The following PGLS variants were observed in gnomAD, a reference collection of about 807,000 sequenced individuals.
PGLS encodes the protein epididymis secretory protein Li 304.
In PGLS, 21 loss-of-function variants were observed where a neutral mutation model predicts 23.2. The ratio of observed to expected loss-of-function variants is 0.91; its 90% confidence interval spans 0.64 to 1.31. The LOEUF is 1.31. Among genes scored for constraint, PGLS ranks in the 50% most tolerant of loss-of-function variants. The pLI is 0.00. For synonymous variants in PGLS, 179 were observed against 165.4 expected (o/e 1.08, Z -0.63); for missense variants, 410 against 354.0 (o/e 1.16, Z -1.27).
chr19:17,519,101 GTCAGGAGT>G (rs1403024818), intron 4 of PGLS, among the ~76,000 whole-genome samples: 1 of 151,722 alleles, frequency 6.6e-6, no homozygotes, highest in East Asian at 2.0e-4. Context: ...ATCACCTGAG[GTCAGGAGT>G]TCAAGACCAG....
Position 17,520,992 on chromosome 19 carries a change from C to G in PGLS, c.688C>G (p.Gln230Glu), listed in dbSNP as rs73922227. The stretch of plus-strand genomic sequence containing the variant: ...AAACCCGCTGCCCGCCGCCCTGGTC[C>G]AGCCCCACACCGGGAAACTGTGCTG... ...EENPLPAALV[Q>E]PHTGKLCWFL... Residue 230 changes from glutamine to glutamate, a missense_variant, in exon 5 of 5, where the codon CAG becomes GAG. Transcript: ENST00000252603. The G allele has an allele frequency of 9.8e-4, 1,564 of 1,599,896 alleles. 18 individuals carry two copies. The African/African-American group carries it at 0.02, about 20-fold the overall frequency.
In PGLS at chr19:17,511,845, T is replaced by C. The variant is rs749837367; in HGVS notation, c.173T>C (p.Leu58Pro). 1.3e-6 allele frequency: 2 copies of C among 1,530,076 alleles called. No homozygotes were observed. Among genetic ancestry groups the C allele is most frequent in the East Asian group, 5.1e-5 (2 of 39,128 alleles). 94.8% of individuals were successfully genotyped at this position (1,530,076 alleles called of 1,614,324 possible). A position where few individuals can be genotyped will look rare whatever the true frequency, so the allele number is the denominator to read the frequency against. The change falls in exon 1 of 5, where the codon CTA (leucine) becomes CCA (proline). Residue 58 changes from leucine (L) to proline (P), a missense_variant. Coordinates refer to ENST00000252603, the MANE Select transcript of PGLS (RefSeq NM_012088.3). ...GSLVSMLARE[L>P]PAAVAPAGPA... ...CTCGTCTCGATGCTAGCCCGCGAGC[T>C]ACCCGCCGCCGTCGCCCCTGCCGGG...
At chr19:17,512,154 G>A in intron 1 of PGLS, 194 bp downstream of exon 1, 2 of 612,884 alleles carry the variant, frequency 3.3e-6, no homozygotes, top group Non-Finnish European at 5.3e-6. Flanking sequence ...TGGGTCGCTG[G>A]GGGTCATGCC....
intron 4 of PGLS, chr19:17,520,500 C>T (rs927843619): frequency 9.7e-5 from 14 of 144,290 alleles, no homozygotes; most frequent in Non-Finnish European, 1.8e-4. Context: ...GAGCCAAGAT[C>T]GCACCATCAC....
chr19:17,517,339 G>T lies in PGLS; in HGVS notation c.448G>T (p.Gly150Cys). The T allele has an allele frequency of 1.2e-6, 2 of 1,613,908 alleles. No individual in the cohort carries two copies. Among genetic ancestry groups the T allele is most frequent in the South Asian group, 2.2e-5 (2 of 91,058 alleles). ...PVFDLLILGV[G>C]PDGHTCSLFP... is the part of the protein sequence containing the mutation. The stretch of plus-strand genomic sequence containing the variant: ...TTTCGACCTGCTGATCCTGGGGGTG[G>T]GCCCCGATGGTCACACCTGCTCACT... The change falls in exon 3 of 5, where the codon GGC becomes TGC. Residue 150 changes from glycine to cysteine, a missense_variant. Transcript: ENST00000252603.
chr19:17,520,699 C>G (rs2075553533), intron 4 of PGLS: 1 of 333,472 alleles, frequency 3.0e-6, no homozygotes, highest in Non-Finnish European at 5.3e-6. Flanking sequence ...CCACTGCACT[C>G]CAGCCTGGGA....
At position 17,516,359 on chromosome 19, in the gene PGLS, T is replaced by C. The variant is rs771876716; in HGVS notation, c.396+79T>C. ...CCGGGCAACAGAGCGGCCTTCTGAT[T>C]GTCACCAGCAGGAACTGCCCCAGGG... On this transcript the variant is annotated intron_variant, in intron 2 of 4. Coordinates refer to ENST00000252603, the MANE Select transcript of PGLS (RefSeq NM_012088.3). The C allele has an allele frequency of 4.6e-6, 7 of 1,533,628 alleles. No individual in the cohort carries two copies. The East Asian group carries it at 1.5e-4, about 32-fold the overall frequency.
intron 2 of PGLS, 69 bp downstream of exon 2, chr19:17,516,349 G>T: frequency 6.5e-7 from 1 of 1,548,508 alleles, no homozygotes. Context: ...CAACAGAGCG[G>T]CCTTCTGATT....
intron 4 of PGLS, among the ~76,000 whole-genome samples, 191 bp downstream of exon 4, chr19:17,518,041 A>G (rs1167666792): frequency 6.6e-6 from 1 of 151,888 alleles, no homozygotes; most frequent in Non-Finnish European, 1.5e-5. Context: ...GAAAATTGCA[A>G]TTAAAGGCTA....
chr19:17,520,125 C>G (rs1044855230), intron 4 of PGLS, among the ~76,000 whole-genome samples: 1 of 151,718 alleles, frequency 6.6e-6, no homozygotes, highest in East Asian at 1.9e-4. Context: ...TGTACTCCAG[C>G]CTGGATGACA....
chr19:17,512,329 C>G, intron 1 of PGLS: 1 of 299,206 alleles, frequency 3.3e-6, no homozygotes, highest in Non-Finnish European at 6.4e-6. Flanking sequence ...CCCGCAGGAC[C>G]TCACTGCGCC....
In PGLS at chr19:17,520,973, G is replaced by A. The variant is rs566960701; in HGVS notation, c.669G>A (p.Pro223=). The change falls in exon 5 of 5, where the codon CCG becomes CCA. Residue 223 remains proline, a synonymous_variant. Transcript: ENST00000252603. ...KRILEDQEEN[P]LPAALVQPHT... ...TTTTGGAGGACCAGGAGGAAAACCCGCTGCCCGCCGCCCTGGTCCAGCCCC... is the reference window on the plus strand; with the variant it reads ...TTTTGGAGGACCAGGAGGAAAACCCACTGCCCGCCGCCCTGGTCCAGCCCC... 2.4e-5 allele frequency: 38 copies of A among 1,597,122 alleles called. No individual in the cohort carries two copies. Among genetic ancestry groups the A allele is most frequent in the Non-Finnish European group, 3.0e-5 (35 of 1,171,334 alleles).
rs1157580282 is a variant in PGLS at position 17,517,336 on chromosome 19, G to T, written c.445G>T (p.Val149Leu). Residue 149 changes from valine (V) to leucine (L), a missense_variant, in exon 3 of 5, where the codon GTG becomes TTG. Val to Leu is a conservative substitution (Grantham distance 32). Transcript: ENST00000252603. ...GGTTTTCGACCTGCTGATCCTGGGG[G>T]TGGGCCCCGATGGTCACACCTGCTC... ...IPVFDLLILG[V>L]GPDGHTCSLF... The T allele has an allele frequency of 8.1e-6, 13 of 1,613,898 alleles. No homozygotes were observed. Among genetic ancestry groups the T allele is most frequent in the Non-Finnish European group, 1.1e-5 (13 of 1,179,964 alleles).
At position 17,511,991 on chromosome 19, in the gene PGLS, G is replaced by A. The variant is rs1326069363; in HGVS notation, c.288+31G>A. Reference sequence around the variant, plus strand: ...AGCTACGGGGGCCGCCGGGGATCACGCCGAGAGGGCCACAGCCACCGCCTA... The same window carrying A: ...AGCTACGGGGGCCGCCGGGGATCACACCGAGAGGGCCACAGCCACCGCCTA... On this transcript the variant is annotated intron_variant, in intron 1 of 4. Coordinates refer to ENST00000252603, the MANE Select transcript of PGLS (RefSeq NM_012088.3). 5.9e-6 allele frequency: 9 copies of A among 1,522,076 alleles called. No homozygotes were observed. The South Asian group carries it at 7.3e-5, about 12-fold the overall frequency. 94.3% of individuals were successfully genotyped at this position (1,522,076 alleles called of 1,614,324 possible).
intron 1 of PGLS, chr19:17,513,014 G>A (rs1357616210): frequency 1.3e-5 from 2 of 152,214 alleles, no homozygotes; most frequent in Non-Finnish European, 2.9e-5. Context: ...GGGGCAGCCA[G>A]GGTGTGATCC....
At chr19:17,517,554 T>C (rs1184650594) in intron 3 of PGLS, among the ~76,000 whole-genome samples, 156 bp from the exon 4 acceptor site, 2 of 152,286 alleles carry the variant, frequency 1.3e-5, no homozygotes, top group Middle Eastern at 3.4e-3. Context: ...CAGGTCTCAG[T>C]TGAGCCCCTT....
intron 3 of PGLS, 80 bp downstream of exon 3, chr19:17,517,469 T>C: frequency 8.5e-7 from 1 of 1,175,818 alleles, no homozygotes; most frequent in Non-Finnish European, 1.2e-6. Flanking sequence ...GAGAGCCACC[T>C]GCCGGGTGGG....
At chr19:17,512,260 G>T in intron 1 of PGLS, 1 of 438,422 alleles carries the variant, frequency 2.3e-6, no homozygotes, top group South Asian at 2.9e-5. Flanking sequence ...GACTACGGGG[G>T]CCGCTGGGGG....
At chr19:17,520,239 C>A (rs139132815) in intron 4 of PGLS, among the ~76,000 whole-genome samples, 1 of 151,928 alleles carries the variant, frequency 6.6e-6, no homozygotes, top group Non-Finnish European at 1.5e-5. Context: ...GGTGAAACCC[C>A]GTCTCTACTA....
Sources: gnomAD v4.1 joint callset for allele counts (sites outside exome capture counted in the v4.1 genomes callset) on GRCh38, gnomAD v4.1.1 for gene constraint, MANE v1.5 for transcripts, NCBI Gene and HGNC (gene_info 2026-07-23, HGNC 2026-07-21) for gene names.